Variants in C1QTNF5 observed in about 807,000 individuals in gnomAD.
The protein encoded by C1QTNF5 is complement C1q tumor necrosis factor-related protein 5.
Under a neutral mutation model 10.9 loss-of-function variants are expected in C1QTNF5, and 5 were observed. That is an observed-to-expected ratio of 0.46 (90% CI 0.24 to 0.97). C1QTNF5 has a LOEUF of 0.97. C1QTNF5 is among the 50% of genes least tolerant of loss of function. The pLI is 0.19. For synonymous variants in C1QTNF5, 161 were observed against 156.5 expected (o/e 1.03, Z -0.22); for missense variants, 281 against 339.4 (o/e 0.83, Z 1.35).
chr11:119,342,847 C>T, upstream of C1QTNF5: 1 of 1,613,032 alleles, frequency 6.2e-7, no homozygotes, highest in Non-Finnish European at 8.5e-7. Flanking sequence ...TCTACTGCCC[C>T]CACCCACTTG....
upstream of C1QTNF5, chr11:119,342,825 C>T: frequency 1.2e-6 from 2 of 1,613,054 alleles, no homozygotes; most frequent in Non-Finnish European, 1.7e-6. Context: ...TGTCTGTCCC[C>T]CTGGAGGTGC....
chr11:119,345,567 G>C (rs369566448), upstream of C1QTNF5: 19 of 1,613,930 alleles, frequency 1.2e-5, no homozygotes, highest in Non-Finnish European at 1.5e-5. Context: ...GGTGTTGGGG[G>C]GGTAAGGGTC....
At chr11:119,345,967 T>C in the C1QTNF5 span, 1 of 1,613,530 alleles carries the variant, frequency 6.2e-7, no homozygotes, top group Non-Finnish European at 8.5e-7. Context: ...TCAGAGGAGC[T>C]GGGTCCTGGG....
At chr11:119,341,812 C>A, upstream of C1QTNF5, 6 of 1,613,538 alleles carry the variant, frequency 3.7e-6, no homozygotes, top group Non-Finnish European at 5.1e-6. Flanking sequence ...TGCTCCCAGG[C>A]TCCTCCCCTC....
At position 119,340,302 on chromosome 11, in the gene C1QTNF5, G is replaced by T. The variant is rs760578346; in HGVS notation, c.96C>A (p.Pro32=). Residue 32 remains proline (P), a synonymous_variant, in exon 2 of 3, where the codon CCC becomes CCA. Transcript: ENST00000528368. ...NKIPSLCPGH[P]GLPGTPGHHG... ...GGTGGCCCGGCGTGCCTGGAAGGCC[G>T]GGGTGCCCCGGGCAGAGGCTGGGGA... 7.8e-6 allele frequency: 12 copies of T among 1,535,396 alleles called. No homozygotes were observed. The highest frequency in any genetic ancestry group is 2.8e-5 in the African/African-American group (2 of 70,868).
chr11:119,342,058 G>A (rs1235411412), upstream of C1QTNF5: 14 of 1,588,198 alleles, frequency 8.8e-6, no homozygotes, highest in Middle Eastern at 1.7e-4. Flanking sequence ...TCACCGAATC[G>A]CTCGGTCCTG....
upstream of C1QTNF5, chr11:119,345,389 G>A (rs757856832): frequency 2.0e-5 from 32 of 1,596,188 alleles, no homozygotes; most frequent in Middle Eastern, 1.7e-4. Context: ...TTCAGGACAC[G>A]GTGGGATGTC....
chr11:119,344,983 G>A (rs1040435706), upstream of C1QTNF5: 29 of 1,606,962 alleles, frequency 1.8e-5, no homozygotes, highest in Non-Finnish European at 2.3e-5. Flanking sequence ...TGAGCGTGGG[G>A]GGAGGCACCC....
At chr11:119,344,642 G>A (rs762273500), upstream of C1QTNF5, 3 of 1,614,032 alleles carry the variant, frequency 1.9e-6, no homozygotes, top group Admixed American at 3.3e-5. Flanking sequence ...CCGAGAACTT[G>A]GCACTGCAAT....
chr11:119,345,051 C>A, upstream of C1QTNF5: 1 of 1,583,204 alleles, frequency 6.3e-7, no homozygotes, highest in South Asian at 1.2e-5. Context: ...AGAGCAGGGT[C>A]AGCCAGAGAG....
At chr11:119,345,023 G>C (rs996211821), upstream of C1QTNF5, 8 of 1,597,596 alleles carry the variant, frequency 5.0e-6, no homozygotes, top group Admixed American at 1.2e-4. Context: ...AGCCAGGTTG[G>C]GGGTGAGGGA....
At chr11:119,344,904 C>A, upstream of C1QTNF5, 1 of 1,612,620 alleles carries the variant, frequency 6.2e-7, no homozygotes, top group Non-Finnish European at 8.5e-7. Flanking sequence ...TGGTACCAGG[C>A]ATGGAAACCA....
the C1QTNF5 span, chr11:119,346,621 C>A: frequency 1.7e-6 from 2 of 1,184,292 alleles, no homozygotes; most frequent in Non-Finnish European, 1.3e-6. Context: ...CTCTACTACC[C>A]GAGGGAAAAG....
At chr11:119,343,708 G>T, upstream of C1QTNF5, 1 of 1,409,014 alleles carries the variant, frequency 7.1e-7, no homozygotes, top group Non-Finnish European at 1.0e-6. Context: ...GCCTGGAGTA[G>T]CAGAAGAAAA....
chr11:119,340,251 G>A lies in C1QTNF5; in HGVS notation c.147C>T (p.Arg49=), dbSNP rs1052961133. The A allele has an allele frequency of 4.6e-6, 7 of 1,515,494 alleles. No homozygotes were observed. The highest frequency in any genetic ancestry group is 2.3e-4 in the Middle Eastern group (1 of 4,340). The allele number at this position is 1,515,494 out of a possible 1,614,324, so 93.9% of individuals were successfully genotyped here. A position where few individuals can be genotyped will look rare whatever the true frequency, so the allele number is the denominator to read the frequency against. Residue 49 remains arginine (R), a synonymous_variant, in exon 2 of 3, where the codon CGC becomes CGT. Transcript: ENST00000528368. ...GHHGSQGLPG[R]DGRDGRDGAP... ...CGCCGTCGCGGCCGTCGCGGCCATC[G>A]CGGCCCGGCAAGCCCTGGCTGCCAT... is the stretch of plus-strand genomic sequence containing the variant.
chr11:119,346,466 C>G, the C1QTNF5 span: 1 of 1,614,096 alleles, frequency 6.2e-7, no homozygotes, highest in Admixed American at 1.7e-5. Context: ...TTACCTTGCT[C>G]GATTCTGTTG....
chr11:119,340,505 G>T, intron 1 of C1QTNF5, 65 bp from the exon 2 acceptor site: 2 of 1,258,608 alleles, frequency 1.6e-6, no homozygotes, highest in South Asian at 2.6e-5. Context: ...TCCCCACCCC[G>T]GCGCGGCCCA....
upstream of C1QTNF5, chr11:119,343,991 T>A (rs377031282): frequency 1.2e-4 from 195 of 1,608,892 alleles, no homozygotes; most frequent in Non-Finnish European, 1.6e-4. Context: ...GTGGAGCAAT[T>A]CATGGCCCCT....
At chr11:119,341,113 C>A (rs958429816), upstream of C1QTNF5, 3 of 212,562 alleles carry the variant, frequency 1.4e-5, no homozygotes, top group Non-Finnish European at 2.9e-5. Flanking sequence ...GGGAGAAATA[C>A]GCAGAGAGAT....
Sources: gnomAD v4.1 joint callset for allele counts on GRCh38, gnomAD v4.1.1 for gene constraint, MANE v1.5 for transcripts, NCBI Gene and HGNC (gene_info 2026-07-23, HGNC 2026-07-21) for gene names.